The following EEF1AKMT1 variants were observed in gnomAD, a reference collection of about 807,000 sequenced individuals.
EEF1AKMT1 encodes the protein EEF1A lysine methyltransferase 1, also known as N-6 adenine-specific DNA methyltransferase 2 (putative).
A neutral mutation model predicts 21.0 loss-of-function variants in EEF1AKMT1; 18 were observed. That is an observed-to-expected ratio of 0.86 (90% CI 0.59 to 1.27). The LOEUF is 1.27. Among genes scored for constraint, EEF1AKMT1 ranks in the 50% most tolerant of loss-of-function variants. EEF1AKMT1 has a pLI of 0.00. For missense variants in EEF1AKMT1, 246 were observed against 258.6 expected, an observed-to-expected ratio of 0.95 and a Z score of 0.33; for synonymous variants, 109 against 94.8, an observed-to-expected ratio of 1.15 and a Z score of -0.87.
intron 2 of EEF1AKMT1, among the ~76,000 whole-genome samples, chr13:20,751,776 C>T (rs554203252): frequency 6.6e-6 from 1 of 152,062 alleles, no homozygotes. Flanking sequence ...TCTTTCAATC[C>T]GTGAGCACGG....
intron 2 of EEF1AKMT1, among the ~76,000 whole-genome samples, chr13:20,740,970 A>G (rs906719826): frequency 2.0e-5 from 3 of 151,858 alleles, no homozygotes; most frequent in Non-Finnish European, 2.9e-5. Context: ...CCTTCTTTCT[A>G]TGCTATGGTG....
At chr13:20,769,564 G>A (rs1443866353) in intron 1 of EEF1AKMT1, among the ~76,000 whole-genome samples, 1 of 152,132 alleles carries the variant, frequency 6.6e-6, no homozygotes, top group African/African-American at 2.4e-5. Flanking sequence ...CCCAGGGAAA[G>A]GCATGGGCTC....
chr13:20,754,741 C>CAA (rs56777421), intron 2 of EEF1AKMT1, among the ~76,000 whole-genome samples: 50 of 116,550 alleles, frequency 4.3e-4, no homozygotes, highest in South Asian at 5.5e-4. Context: ...ACCAAAAATA[C>CAA]AAAAAAAAAA....
chr13:20,732,559 C>T (rs2058803861), intron 3 of EEF1AKMT1, among the ~76,000 whole-genome samples: 1 of 152,170 alleles, frequency 6.6e-6, no homozygotes, highest in African/African-American at 2.4e-5. Flanking sequence ...TCTTGAACTC[C>T]TGACCTCAGG....
At chr13:20,733,770 T>TCACAATTC (rs2058811497) in intron 3 of EEF1AKMT1, among the ~76,000 whole-genome samples, 1 of 152,204 alleles carries the variant, frequency 6.6e-6, no homozygotes, top group African/African-American at 2.4e-5. Flanking sequence ...TGACCTTTTC[T>TCACAATTC]CACAATTCCT....
At chr13:20,761,739 T>G (rs796113761) in intron 1 of EEF1AKMT1, among the ~76,000 whole-genome samples, 1 of 152,332 alleles carries the variant, frequency 6.6e-6, no homozygotes, top group East Asian at 1.9e-4. Context: ...CTCTTTGCAG[T>G]CATGTAGTTG....
chr13:20,770,731 T>C (rs937009605), intron 1 of EEF1AKMT1, among the ~76,000 whole-genome samples: 4 of 151,972 alleles, frequency 2.6e-5, no homozygotes, highest in Non-Finnish European at 5.9e-5. Context: ...AATCGAAGAG[T>C]ACAAGTTCCT....
chr13:20,746,809 G>T (rs2058907852), intron 2 of EEF1AKMT1, among the ~76,000 whole-genome samples: 2 of 152,178 alleles, frequency 1.3e-5, no homozygotes, highest in African/African-American at 4.8e-5. Context: ...TAACAAACAA[G>T]ATTTCACCAC....
chr13:20,754,166 G>T (rs1223187276), intron 2 of EEF1AKMT1, among the ~76,000 whole-genome samples: 1 of 152,090 alleles, frequency 6.6e-6, no homozygotes, highest in South Asian at 2.1e-4. Flanking sequence ...TGGTCTAGAG[G>T]TGATGAATTT....
chr13:20,738,810 C>G (rs2058844924), intron 2 of EEF1AKMT1, among the ~76,000 whole-genome samples: 1 of 152,132 alleles, frequency 6.6e-6, no homozygotes, highest in African/African-American at 2.4e-5. Context: ...TAGTGGTTGC[C>G]AGGTGTTGGG....
chr13:20,770,946 T>C (rs2059059862), intron 1 of EEF1AKMT1, among the ~76,000 whole-genome samples: 1 of 151,946 alleles, frequency 6.6e-6, no homozygotes, highest in African/African-American at 2.4e-5. Context: ...GTGGTGCGAT[T>C]GTGGCTCCCT....
intron 2 of EEF1AKMT1, among the ~76,000 whole-genome samples, chr13:20,757,039 TAGA>T (rs777758041): frequency 2.0e-4 from 30 of 152,226 alleles, no homozygotes; most frequent in Admixed American, 4.6e-4. Flanking sequence ...TTGGACGCAG[TAGA>T]AGAACTTGGG....
intron 1 of EEF1AKMT1, among the ~76,000 whole-genome samples, chr13:20,765,564 C>T (rs563762586): frequency 7.9e-5 from 12 of 151,950 alleles, no homozygotes; most frequent in African/African-American, 2.7e-4. Flanking sequence ...AAGCGCCGGC[C>T]ACCACACCTG....
Position 20,729,088 on chromosome 13 carries a change from C to G in EEF1AKMT1, c.637G>C (p.Gly213Arg), listed in dbSNP as rs757434341. ...TATGTCACCGTCTGTAATCAGATCCCACAGTCCAGCCCAGAATCATAATTC... is the reference window on the plus strand; with the variant it reads ...TATGTCACCGTCTGTAATCAGATCCGACAGTCCAGCCCAGAATCATAATTC... ...YVNYDSGLDC[G>R]I Residue 213 changes from glycine (G) to arginine (R), a missense_variant, in exon 5 of 5, where the codon GGG becomes CGG. Physicochemically the swap from Gly to Arg is moderately radical, Grantham distance 125 (BLOSUM62 -2). Coordinates refer to ENST00000382758, the MANE Select transcript of EEF1AKMT1 (RefSeq NM_001318939.2). 1.9e-6 allele frequency: 3 copies of G among 1,614,156 alleles called. No homozygotes were observed. In the South Asian group the frequency reaches 3.3e-5, roughly 18 times the overall value.
At position 20,731,963 on chromosome 13, in the gene EEF1AKMT1, C is replaced by A. The variant is rs141407092; in HGVS notation, c.386G>T (p.Arg129Ile). The change falls in exon 4 of 5, where the codon AGA becomes ATA. Residue 129 changes from arginine to isoleucine, a missense_variant. By Grantham distance (97) the Arg-to-Ile change is moderately conservative. Transcript: ENST00000382758. ...DYNNPLDLPE[R>I]IAAHSFDIVI... ...GATGTCAAAACTATGTGCAGCAATT[C>A]TTTCGGGTAAGTCCAATGGATTATT... 2 of 1,614,094 alleles carry A rather than the reference C, an allele frequency of 1.2e-6. No homozygotes were observed. Among genetic ancestry groups the A allele is most frequent in the Admixed American group, 3.3e-5 (2 of 60,004 alleles).
intron 1 of EEF1AKMT1, among the ~76,000 whole-genome samples, chr13:20,773,607 T>G (rs956023700): frequency 3.3e-5 from 5 of 152,222 alleles, no homozygotes; most frequent in African/African-American, 1.2e-4. Context: ...TGCCGTAGCC[T>G]GGGGGTTAAT....
chr13:20,764,124 C>T (rs1172224363), intron 1 of EEF1AKMT1, among the ~76,000 whole-genome samples: 1 of 152,076 alleles, frequency 6.6e-6, no homozygotes, highest in African/African-American at 2.4e-5. Context: ...CTTCTACTTG[C>T]TTTGCATTTG....
chr13:20,764,735 ACT>A (rs2059018352), intron 1 of EEF1AKMT1, among the ~76,000 whole-genome samples: 1 of 150,818 alleles, frequency 6.6e-6, no homozygotes, highest in African/African-American at 2.4e-5. Flanking sequence ...TGATGAATTC[ACT>A]CTTTTTATCA....
At chr13:20,746,158 A>AT (rs974565526) in intron 2 of EEF1AKMT1, among the ~76,000 whole-genome samples, 60 of 145,670 alleles carry the variant, frequency 4.1e-4, no homozygotes, top group East Asian at 1.0e-3. Flanking sequence ...TCTATCCATT[A>AT]TTTTTTTTTT....
Sources: allele counts gnomAD v4.1 joint callset (sites outside exome capture counted in the v4.1 genomes callset), GRCh38; gene constraint gnomAD v4.1.1; transcripts MANE v1.5; gene names NCBI Gene and HGNC (gene_info 2026-07-23, HGNC 2026-07-21).